SPMAP2L: variants seen among roughly 807,000 people sequenced by gnomAD.
The protein encoded by SPMAP2L is sperm microtubule associated protein 2-like.
the SPMAP2L span, chr4:56,593,924 A>G: frequency 4.8e-5 from 78 of 1,609,002 alleles, no homozygotes; most frequent in Non-Finnish European, 4.7e-5. Flanking sequence ...AGAAGGTCTC[A>G]AGCGAGCAGG....
chr4:56,607,769 C>T, the SPMAP2L span, among the ~76,000 whole-genome samples: 1 of 152,068 alleles, frequency 6.6e-6, no homozygotes, highest in Non-Finnish European at 1.5e-5. Flanking sequence ...GGGAGGATAG[C>T]TTGAGCCCAG....
the SPMAP2L span, chr4:56,601,005 T>A: frequency 6.5e-7 from 1 of 1,535,354 alleles, no homozygotes; most frequent in Non-Finnish European, 8.7e-7. Context: ...AGTCTGTTCA[T>A]CAAGATTATC....
At chr4:56,558,332 A>G in the SPMAP2L span, among the ~76,000 whole-genome samples, 1 of 151,982 alleles carries the variant, frequency 6.6e-6, no homozygotes, top group South Asian at 2.1e-4. Context: ...TTTTCCTTCT[A>G]ACTTACTTTA....
the SPMAP2L span, among the ~76,000 whole-genome samples, chr4:56,604,317 T>C: frequency 5.3e-5 from 8 of 152,308 alleles, no homozygotes; most frequent in South Asian, 1.7e-3. Flanking sequence ...GATTAGATGA[T>C]AAAATGTATA....
the SPMAP2L span, chr4:56,594,182 C>T: frequency 3.7e-6 from 6 of 1,612,966 alleles, no homozygotes; most frequent in Non-Finnish European, 5.1e-6. Flanking sequence ...CAGAGGTATT[C>T]CAGGGTCTGT....
chr4:56,594,553 C>A, the SPMAP2L span: 1 of 1,608,728 alleles, frequency 6.2e-7, no homozygotes, highest in Admixed American at 1.7e-5. Context: ...TCCGAGCCTA[C>A]TTAAACCAGA....
the SPMAP2L span, among the ~76,000 whole-genome samples, chr4:56,612,394 T>C: frequency 6.6e-6 from 1 of 152,122 alleles, no homozygotes; most frequent in Non-Finnish European, 1.5e-5. Flanking sequence ...CAGGCTGGAG[T>C]GCAGTGGTGC....
At chr4:56,585,171 A>C in the SPMAP2L span, among the ~76,000 whole-genome samples, 1,037 of 152,304 alleles carry the variant, frequency 6.8e-3, 13 homozygotes, top group African/African-American at 0.024. Context: ...CTTTAACATA[A>C]AAGACTGTTC....
the SPMAP2L span, among the ~76,000 whole-genome samples, chr4:56,543,918 G>A: frequency 9.5e-3 from 1,261 of 133,074 alleles, 51 homozygotes; most frequent in African/African-American, 0.034. Flanking sequence ...GTGTGTGTGT[G>A]TGTGTGTATG....
At chr4:56,591,169 T>C in the SPMAP2L span, among the ~76,000 whole-genome samples, 1 of 152,178 alleles carries the variant, frequency 6.6e-6, no homozygotes, top group African/African-American at 2.4e-5. Context: ...CCCCTTGCTG[T>C]TCTTGTGATA....
the SPMAP2L span, among the ~76,000 whole-genome samples, chr4:56,609,445 T>A: frequency 3.3e-5 from 5 of 152,332 alleles, no homozygotes; most frequent in East Asian, 9.6e-4. Flanking sequence ...ATTTAGATGA[T>A]ATTTACGTGA....
the SPMAP2L span, chr4:56,594,302 G>A: frequency 1.3e-6 from 2 of 1,541,742 alleles, no homozygotes; most frequent in Admixed American, 1.7e-5. Context: ...CATTTCCCTT[G>A]TTCACAGCAT....
the SPMAP2L span, among the ~76,000 whole-genome samples, chr4:56,563,193 A>G: frequency 6.8e-6 from 1 of 146,548 alleles, no homozygotes; most frequent in Admixed American, 7.1e-5. Flanking sequence ...CCTGGGTTCA[A>G]GAGATTCTCC....
the SPMAP2L span, among the ~76,000 whole-genome samples, chr4:56,555,790 T>A: frequency 6.6e-6 from 1 of 152,126 alleles, no homozygotes; most frequent in South Asian, 2.1e-4. Context: ...ATCAGTGGAC[T>A]TTTGTATATT....
At chr4:56,623,524 G>T in the SPMAP2L span, among the ~76,000 whole-genome samples, 2 of 152,186 alleles carry the variant, frequency 1.3e-5, no homozygotes, top group African/African-American at 4.8e-5. Context: ...GTATTATTTG[G>T]CCATGATATG....
At chr4:56,600,157 C>G in the SPMAP2L span, among the ~76,000 whole-genome samples, 1 of 118,646 alleles carries the variant, frequency 8.4e-6, no homozygotes, top group Non-Finnish European at 1.6e-5. Flanking sequence ...TTTGTCCAGG[C>G]TAGTCTTGAA....
At chr4:56,534,813 C>T in the SPMAP2L span, among the ~76,000 whole-genome samples, 10 of 152,292 alleles carry the variant, frequency 6.6e-5, no homozygotes, top group East Asian at 1.7e-3. Context: ...CCTGTAATCC[C>T]AGCTACTCGG....
the SPMAP2L span, among the ~76,000 whole-genome samples, chr4:56,576,135 G>A: frequency 3.3e-5 from 5 of 152,170 alleles, no homozygotes; most frequent in African/African-American, 9.7e-5. Flanking sequence ...GTGGAGAGGT[G>A]ATAGTGCTAC....
chr4:56,555,922 G>C, the SPMAP2L span, among the ~76,000 whole-genome samples: 2 of 152,106 alleles, frequency 1.3e-5, no homozygotes, highest in African/African-American at 4.8e-5. Context: ...CATATTTATT[G>C]AGTAGAGGTA....
Sources: allele counts gnomAD v4.1 joint callset (sites outside exome capture counted in the v4.1 genomes callset), GRCh38; gene constraint gnomAD v4.1.1; transcripts MANE v1.5; gene names NCBI Gene and HGNC (gene_info 2026-07-23, HGNC 2026-07-21).